The following HCFC1R1 variants were observed in gnomAD, a reference collection of about 807,000 sequenced individuals.
The protein encoded by HCFC1R1 is host cell factor C1 regulator 1.
A neutral mutation model predicts 13.3 loss-of-function variants in HCFC1R1; 17 were observed. The observed-to-expected ratio is 1.28, with a 90% CI of 0.87 to 1.91. HCFC1R1 has a LOEUF of 1.91. Among genes scored for constraint, HCFC1R1 ranks in the 40% most tolerant of loss-of-function variants. HCFC1R1 has a pLI of 0.00. For synonymous variants in HCFC1R1, 87 were observed against 71.1 expected (o/e 1.22, Z -1.12); for missense variants, 218 against 177.9 (o/e 1.23, Z -1.28).
At position 3,023,364 on chromosome 16, in the gene HCFC1R1, G is replaced by A. The variant is rs961204054; in HGVS notation, c.153-3C>T. On this transcript the variant is annotated splice_region_variant and splice_polypyrimidine_tract_variant and intron_variant, in intron 2 of 3. Transcript: ENST00000248089. ...GAAACTGCTTGCGCAGAGGCTCCCT[G>A]GGGAGAGATGGCAGAGAGGCAGGCT... 4.3e-6 allele frequency: 7 copies of A among 1,611,298 alleles called. No individual in the cohort carries two copies. The highest frequency in any genetic ancestry group is 5.9e-6 in the Non-Finnish European group (7 of 1,178,188).
At chr16:3,023,952 G>A (rs767215200), upstream of HCFC1R1, 2 of 1,540,222 alleles carry the variant, frequency 1.3e-6, no homozygotes. Context: ...TGGGTTTTGG[G>A]GTCCTGCGGG....
At position 3,023,001 on chromosome 16, in the gene HCFC1R1, A is replaced by G. The variant is rs2072649923; in HGVS notation, c.282-3T>C. 1.3e-6 allele frequency: 2 copies of G among 1,596,884 alleles called. No individual in the cohort carries two copies. Among genetic ancestry groups the G allele is most frequent in the Non-Finnish European group, 1.7e-6 (2 of 1,174,998 alleles). On this transcript the variant is annotated splice_region_variant and splice_polypyrimidine_tract_variant and intron_variant, in intron 3 of 3. Coordinates refer to ENST00000248089, the MANE Select transcript of HCFC1R1 (RefSeq NM_017885.4). ...GAAGCAGCTCAGAGCAAGGGCTCCT[A>G]GAAGAGGAAATGACTGTCAGGGCAT... is the stretch of plus-strand genomic sequence containing the variant.
At chr16:3,024,190 T>C (rs2072716967), upstream of HCFC1R1, 2 of 1,087,560 alleles carry the variant, frequency 1.8e-6, no homozygotes, top group Admixed American at 4.2e-5. Flanking sequence ...CCTCGGCTCC[T>C]AGGGTTCGGG....
intron 1 of HCFC1R1, 94 bp downstream of exon 1, chr16:3,023,753 C>A: frequency 8.8e-7 from 1 of 1,140,752 alleles, no homozygotes; most frequent in Non-Finnish European, 1.3e-6. Flanking sequence ...CGCCGATTCG[C>A]CCCACCCCGT....
chr16:3,023,956 C>T, upstream of HCFC1R1: 2 of 1,537,252 alleles, frequency 1.3e-6, no homozygotes, highest in Non-Finnish European at 1.8e-6. Context: ...TTTTGGGGTC[C>T]TGCGGGTGGG....
chr16:3,023,981 G>T, upstream of HCFC1R1: 1 of 1,443,334 alleles, frequency 6.9e-7, no homozygotes, highest in Non-Finnish European at 9.4e-7. Context: ...GGGCGACAGG[G>T]GAGGAGTCTC....
Position 3,023,367 on chromosome 16 carries a change from G to A in HCFC1R1, c.153-6C>T, listed in dbSNP as rs761823922. 135 of 1,611,594 alleles carry A rather than the reference G, an allele frequency of 8.4e-5. No individual in the cohort carries two copies. The highest frequency in any genetic ancestry group is 1.7e-4 in the Middle Eastern group (1 of 6,046). ...ACTGCTTGCGCAGAGGCTCCCTGGGGAGAGATGGCAGAGAGGCAGGCTGGG... is the reference window on the plus strand; with the variant it reads ...ACTGCTTGCGCAGAGGCTCCCTGGGAAGAGATGGCAGAGAGGCAGGCTGGG... On this transcript the variant is annotated splice_region_variant and splice_polypyrimidine_tract_variant and intron_variant, in intron 2 of 3. Coordinates refer to ENST00000248089, the MANE Select transcript of HCFC1R1 (RefSeq NM_017885.4).
upstream of HCFC1R1, chr16:3,023,949 T>G: frequency 6.5e-7 from 1 of 1,545,702 alleles, no homozygotes; most frequent in Non-Finnish European, 8.7e-7. Flanking sequence ...CATTGGGTTT[T>G]GGGGTCCTGC....
At chr16:3,024,250 G>A, upstream of HCFC1R1, 1 of 1,590,892 alleles carries the variant, frequency 6.3e-7, no homozygotes, top group Admixed American at 1.7e-5. Context: ...GCGCCACGGA[G>A]AGGAACCGCT....
rs1048842663 is a variant in HCFC1R1, at chr16:3,023,866, T to G, written c.76A>C (p.Thr26Pro). Residue 26 changes from threonine to proline, a missense_variant, in exon 1 of 4, where the codon ACT becomes CCT. By Grantham distance (38) the Thr-to-Pro change is conservative (BLOSUM62 -1). Coordinates refer to ENST00000248089, the MANE Select transcript of HCFC1R1 (RefSeq NM_017885.4). ...QRLPRAALGVTWGLDASSPLR... is the reference protein window; with the variant it reads ...QRLPRAALGVPWGLDASSPLR... ...ACGCACCTGGCGTCCAGGCCCCAAG[T>G]CACCCCCAAGGCGGCCCGCGGGAGG... The G allele has an allele frequency of 4.5e-6, 7 of 1,548,740 alleles. No individual in the cohort carries two copies. Among genetic ancestry groups the G allele is most frequent in the Non-Finnish European group, 6.1e-6 (7 of 1,152,566 alleles).
chr16:3,022,913 G>A lies in HCFC1R1; in HGVS notation c.367C>T (p.Pro123Ser), dbSNP rs553583786. ...GGGGTTGCAGGGTAGGGGGGACTGGGGGTGTCCCCCAGCCTCAGCAGACGG... is the reference window on the plus strand; with the variant it reads ...GGGGTTGCAGGGTAGGGGGGACTGGAGGTGTCCCCCAGCCTCAGCAGACGG... ...ALRLLRLGDT[P>S]SPPYPATPAG... The change falls in exon 4 of 4, where the codon CCC (proline) becomes TCC (serine). Residue 123 changes from proline (P) to serine (S), a missense_variant. By Grantham distance (74) the Pro-to-Ser change is moderately conservative. Transcript: ENST00000248089. The A allele has an allele frequency of 7.1e-5, 111 of 1,563,590 alleles. 2 individuals are homozygous for A. The South Asian group carries it at 1.2e-3, about 17-fold the overall frequency.
upstream of HCFC1R1, chr16:3,024,215 C>A: frequency 7.2e-7 from 1 of 1,381,956 alleles, no homozygotes; most frequent in East Asian, 2.4e-5. Flanking sequence ...TACGCACCAG[C>A]CACCTTCGCG....
chr16:3,023,995 G>C, upstream of HCFC1R1: 1 of 1,351,984 alleles, frequency 7.4e-7, no homozygotes, highest in Non-Finnish European at 1.0e-6. Flanking sequence ...GAGTCTCTGA[G>C]GGCGTGGCCA....
At chr16:3,024,059 G>A, upstream of HCFC1R1, 1 of 878,736 alleles carries the variant, frequency 1.1e-6, no homozygotes, top group Non-Finnish European at 1.7e-6. Context: ...CTGCGCGGGC[G>A]CGGAAGACGG....
chr16:3,023,202 T>C (rs777956379), intron 3 of HCFC1R1, 31 bp downstream of exon 3: 2 of 1,536,138 alleles, frequency 1.3e-6, no homozygotes, highest in East Asian at 2.3e-5. Context: ...CCTGTGATTC[T>C]GCAGAAGGCC....
Position 3,022,722 on chromosome 16 carries a change from A to G in HCFC1R1, c.*141T>C. 3.1e-6 allele frequency: 2 copies of G among 653,448 alleles called. No homozygotes were observed. Among genetic ancestry groups the G allele is most frequent in the Middle Eastern group, 3.7e-4 (1 of 2,732 alleles). The allele number at this position is 653,448 out of a possible 1,614,324, so 40.5% of individuals were successfully genotyped here. On this transcript the variant is annotated 3_prime_UTR_variant, in exon 4 of 4. Coordinates refer to ENST00000248089, the MANE Select transcript of HCFC1R1 (RefSeq NM_017885.4). The stretch of plus-strand genomic sequence containing the variant: ...CCCATCCCAGAACTCCGTTGGGCTC[A>G]GTGTCCTCTGTTGAGGGAAGGTCTT...
chr16:3,023,163 G>A lies in HCFC1R1; in HGVS notation c.281+70C>T, dbSNP rs908364849. 6 of 1,506,548 alleles carry A rather than the reference G, an allele frequency of 4.0e-6. No homozygotes were observed. In the African/African-American group the frequency reaches 5.7e-5, roughly 14 times the overall value. The allele number at this position is 1,506,548 out of a possible 1,614,324, so 93.3% of individuals were successfully genotyped here. A position where few individuals can be genotyped will look rare whatever the true frequency, so the allele number is the denominator to read the frequency against. ...CTAGAGCTAAAAATGGCACGATGAG[G>A]CAGGGCCTGAGGTCAGCTGTGAGGA... is the stretch of plus-strand genomic sequence containing the variant. On this transcript the variant is annotated intron_variant, in intron 3 of 3. Transcript: ENST00000248089.
upstream of HCFC1R1, chr16:3,024,241 C>T (rs1216763342): frequency 1.3e-6 from 2 of 1,556,208 alleles, no homozygotes; most frequent in Non-Finnish European, 8.8e-7. Context: ...GGCGGTAGGG[C>T]GCCACGGAGA....
chr16:3,023,878 C>T lies in HCFC1R1; in HGVS notation c.64G>A (p.Ala22Thr), dbSNP rs866858634. 3.2e-6 allele frequency: 5 copies of T among 1,552,762 alleles called. No homozygotes were observed. Among genetic ancestry groups the T allele is most frequent in the South Asian group, 2.4e-5 (2 of 85,052 alleles). ...QGGAQRLPRA[A>T]LGVTWGLDAS... Reference sequence around the variant, plus strand: ...TCCAGGCCCCAAGTCACCCCCAAGGCGGCCCGCGGGAGGCGCTGGGCCCCT... The same window carrying T: ...TCCAGGCCCCAAGTCACCCCCAAGGTGGCCCGCGGGAGGCGCTGGGCCCCT... Residue 22 changes from alanine (A) to threonine (T), a missense_variant, in exon 1 of 4, where the codon GCC becomes ACC. By Grantham distance (58) the Ala-to-Thr change is moderately conservative (BLOSUM62 0). Transcript: ENST00000248089.
Sources: gnomAD v4.1 joint callset for allele counts on GRCh38, gnomAD v4.1.1 for gene constraint, MANE v1.5 for transcripts, NCBI Gene and HGNC (gene_info 2026-07-23, HGNC 2026-07-21) for gene names.